NAV1: variants seen among roughly 807,000 people sequenced by gnomAD.
NAV1 encodes neuron navigator 1.
In NAV1, 18 loss-of-function variants were observed where a neutral mutation model predicts 175.2. The ratio of observed to expected loss-of-function variants is 0.10; its 90% CI spans 0.07 to 0.15. NAV1 has a LOEUF of 0.15. Ranked by LOEUF, NAV1 falls within the 10% of genes least tolerant of loss-of-function variation. The probability of loss-of-function intolerance (pLI) is 1.00; values close to 1 mark genes in which losing one functional copy is unlikely to be tolerated. For missense variants in NAV1, 1,731 were observed against 2,436.6 expected (o/e 0.71, Z 6.10); for synonymous variants, 897 against 978.7 (o/e 0.92, Z 1.56).
chr1:201,575,581 G>T (rs1373911838), intron 1 of NAV1, among the ~76,000 whole-genome samples: 1 of 152,164 alleles, frequency 6.6e-6, no homozygotes, highest in Non-Finnish European at 1.5e-5. Flanking sequence ...GCTGCCCCCA[G>T]TCTGTTGGAG....
chr1:201,788,719 C>T lies in NAV1; in HGVS notation c.3166+81C>T. The T allele has an allele frequency of 7.2e-7, 1 of 1,386,462 alleles. No homozygotes were observed. The allele number at this position is 1,386,462 out of a possible 1,614,324, so 85.9% of individuals were successfully genotyped here. ...ACCCACCACCTCCACTCCCACCACT[C>T]CTACCACCACACACATATATGATTC... On this transcript the variant is annotated intron_variant, in intron 10 of 29. Transcript: ENST00000367296. This position sits in a 1 kb window ranked among gnomAD's most constrained non-coding sequence, Gnocchi z 5.7.
chr1:201,754,442 G>A (rs914164073), intron 3 of NAV1, among the ~76,000 whole-genome samples: 2 of 152,230 alleles, frequency 1.3e-5, no homozygotes, highest in African/African-American at 2.4e-5. Flanking sequence ...CAACGCAGAA[G>A]TCAGAAAGGA....
chr1:201,740,093 C>G lies in NAV1; in HGVS notation c.1226+21338C>G, dbSNP rs191546066. ...CCCCCGCAGGTAAGCGCCCCCACCC[C>G]CCTGGCCTCACCGCCAGACCGCAGA... On this transcript the variant is annotated intron_variant, in intron 3 of 29. Transcript: ENST00000367296. This position sits in a 1 kb window ranked among gnomAD's most constrained non-coding sequence, Gnocchi z 4.7. 23 of 1,442,268 alleles carry G rather than the reference C, an allele frequency of 1.6e-5. No individual in the cohort carries two copies. The South Asian group carries it at 2.6e-4, about 16-fold the overall frequency. The allele number at this position is 1,442,268 out of a possible 1,614,324, so 89.3% of individuals were successfully genotyped here.
intron 3 of NAV1, among the ~76,000 whole-genome samples, chr1:201,757,278 G>A (rs371005601): frequency 7.3e-5 from 11 of 150,958 alleles, no homozygotes; most frequent in Admixed American, 4.0e-4. Context: ...TTTTTCTTTC[G>A]ACTGTCTTGC....
At chr1:201,769,900 C>T (rs1226623369) in intron 3 of NAV1, among the ~76,000 whole-genome samples, 1 of 152,186 alleles carries the variant, frequency 6.6e-6, no homozygotes, top group Non-Finnish European at 1.5e-5. Context: ...GTTACTGATT[C>T]GCAAGGCATA....
intron 1 of NAV1, among the ~76,000 whole-genome samples, chr1:201,542,980 C>T (rs987477621): frequency 4.6e-5 from 7 of 152,162 alleles, no homozygotes; most frequent in African/African-American, 1.7e-4. Flanking sequence ...GATCTTGTCC[C>T]TTGCAATTTT....
intron 15 of NAV1, among the ~76,000 whole-genome samples, chr1:201,799,192 G>GTGTGTC (rs1240275596): frequency 1.3e-5 from 2 of 151,994 alleles, no homozygotes; most frequent in Admixed American, 1.3e-4. Flanking sequence ...GTGTGTGTGT[G>GTGTGTC]TGTGGAGAGA....
rs2102424047 is a variant in NAV1 at position 201,694,089 on chromosome 1, C to G, written c.758-18728C>G. Among the ~76,000 whole-genome samples, 1 of 152,330 alleles carries G rather than the reference C, an allele frequency of 6.6e-6. No individual in the cohort carries two copies. Among genetic ancestry groups the G allele is most frequent in the African/African-American group, 2.4e-5 (1 of 41,582 alleles). On this transcript the variant is annotated intron_variant, in intron 1 of 29. Coordinates refer to ENST00000367296, the Ensembl canonical transcript of NAV1. This position sits in a 1 kb window ranked among gnomAD's most constrained non-coding sequence, Gnocchi z 4.2. ...CACACAGACATCAATTCAGTCAAGA[C>G]TCTGCTCACGCCTGTCCCCAGGAGC...
intron 1 of NAV1, among the ~76,000 whole-genome samples, chr1:201,546,350 C>T (rs1403297916): frequency 6.6e-6 from 1 of 152,342 alleles, no homozygotes; most frequent in East Asian, 1.9e-4. Context: ...CCCTACCTCA[C>T]TGGGTGAGTC....
chr1:201,662,220 C>T (rs79737438), intron 1 of NAV1, among the ~76,000 whole-genome samples: 2,243 of 152,002 alleles, frequency 0.015, 47 homozygotes, highest in African/African-American at 0.048. Context: ...CCCACTCTGA[C>T]GTTTCCTATA....
chr1:201,794,725 G>A (rs896008688), intron 15 of NAV1, 148 bp downstream of exon 19: 4 of 743,328 alleles, frequency 5.4e-6, no homozygotes, highest in Non-Finnish European at 9.2e-6. Context: ...GTGATGTCTG[G>A]ACTGGTCAGT....
chr1:201,570,718 C>A (rs1406425714), intron 1 of NAV1, among the ~76,000 whole-genome samples: 1 of 152,242 alleles, frequency 6.6e-6, no homozygotes, highest in Non-Finnish European at 1.5e-5. Flanking sequence ...CCCTTTTCTG[C>A]TCAGAAGAGG....
chr1:201,549,148 TTCTC>T (rs1165169236), intron 1 of NAV1, among the ~76,000 whole-genome samples: 65 of 148,552 alleles, frequency 4.4e-4, no homozygotes, highest in Non-Finnish European at 6.9e-4. Flanking sequence ...TCTTTCTTCT[TTCTC>T]TCTCTCTCTT....
chr1:201,666,447 A>T (rs1669826843), intron 1 of NAV1, among the ~76,000 whole-genome samples: 1 of 152,216 alleles, frequency 6.6e-6, no homozygotes, highest in Non-Finnish European at 1.5e-5. Flanking sequence ...GGGATGGTTT[A>T]TGAGGGCGGT....
At chr1:201,618,487 T>C (rs1050245064), upstream of NAV1, among the ~76,000 whole-genome samples, 23 of 151,988 alleles carry the variant, frequency 1.5e-4, no homozygotes, top group Admixed American at 5.9e-4. Context: ...ACCCTGTAAA[T>C]TGGATCCCCA....
intron 1 of NAV1, among the ~76,000 whole-genome samples, chr1:201,671,349 T>G (rs12743006): frequency 6.6e-6 from 1 of 152,124 alleles, no homozygotes; most frequent in Non-Finnish European, 1.5e-5. Context: ...AGGTGCTCCC[T>G]CTTCAAAGCC....
At chr1:201,560,629 A>G (rs999677080) in intron 1 of NAV1, among the ~76,000 whole-genome samples, 2 of 152,230 alleles carry the variant, frequency 1.3e-5, no homozygotes, top group African/African-American at 2.4e-5. Flanking sequence ...CCTGAGAAAC[A>G]GGATATTTAA....
chr1:201,648,872 G>A lies in NAV1; in HGVS notation c.204G>A (p.Lys68=), dbSNP rs370570209. Residue 68 remains lysine (K), a synonymous_variant, in exon 1 of 30, where the codon AAG becomes AAA. Coordinates refer to ENST00000367296, the Ensembl canonical transcript of NAV1. Reference sequence around the variant, plus strand: ...GCGCGGCTGAGCTGAAGGTCTTCAAGTCCGGCAGCGTGGACAGCCGTGTCC... The same window carrying A: ...GCGCGGCTGAGCTGAAGGTCTTCAAATCCGGCAGCGTGGACAGCCGTGTCC... 14 of 1,612,294 alleles carry A rather than the reference G, an allele frequency of 8.7e-6. No individual in the cohort carries two copies. In the African/African-American group the frequency reaches 1.9e-4, roughly 22 times the overall value.
chr1:201,681,021 C>T (rs1670444310), intron 1 of NAV1, among the ~76,000 whole-genome samples: 2 of 152,048 alleles, frequency 1.3e-5, no homozygotes, highest in Non-Finnish European at 2.9e-5. Context: ...CTATTCACAC[C>T]ATCATCTCCT....
Sources: gnomAD v4.1 joint callset for allele counts (sites outside exome capture counted in the v4.1 genomes callset) on GRCh38, gnomAD v4.1.1 for gene constraint, Gnocchi (gnomAD v3.1) non-coding constraint, MANE v1.5 for transcripts, NCBI Gene and HGNC (gene_info 2026-07-23, HGNC 2026-07-21) for gene names.